Variants in NDUFB7 observed in about 807,000 individuals in gnomAD.
NDUFB7 encodes the protein NADH:ubiquinone oxidoreductase subunit B7.
In NDUFB7, 18 loss-of-function variants were observed where a neutral mutation model predicts 14.7. The observed-to-expected ratio is 1.22, with a 90% CI of 0.85 to 1.81. NDUFB7 has a LOEUF of 1.81. Among genes scored for constraint, NDUFB7 ranks in the 40% most tolerant of loss-of-function variants. The pLI is 0.00. For synonymous variants in NDUFB7, 86 were observed against 76.1 expected (o/e 1.13, Z -0.68); for missense variants, 219 against 195.0 (o/e 1.12, Z -0.73).
rs952991674 is a variant in NDUFB7, at chr19:14,567,847, C to G, written c.113-914G>C. Among the ~76,000 whole-genome samples, 1 of 152,184 alleles carries G rather than the reference C, an allele frequency of 6.6e-6. No homozygotes were observed. The highest frequency in any genetic ancestry group is 2.4e-5 in the African/African-American group (1 of 41,454). On this transcript the variant is annotated intron_variant, in intron 1 of 2. Coordinates refer to ENST00000215565, the MANE Select transcript of NDUFB7 (RefSeq NM_004146.6). This position sits in a 1 kb window ranked among gnomAD's most constrained non-coding sequence, Gnocchi z 5.1. ...CTCTCATCCCACTGAGGCCCAGGTCCTCCTCTCCTGCCCCTTGTCCCATTC... is the reference window on the plus strand; with the variant it reads ...CTCTCATCCCACTGAGGCCCAGGTCGTCCTCTCCTGCCCCTTGTCCCATTC...
chr19:14,569,700 GA>G (rs1169614537), intron 1 of NDUFB7, among the ~76,000 whole-genome samples: 1 of 152,172 alleles, frequency 6.6e-6, no homozygotes, highest in Non-Finnish European at 1.5e-5. Flanking sequence ...ACACTGGAGT[GA>G]TTATACCATC....
chr19:14,569,863 C>G (rs1211327535), intron 1 of NDUFB7, among the ~76,000 whole-genome samples: 2 of 152,144 alleles, frequency 1.3e-5, no homozygotes, highest in Admixed American at 1.3e-4. Flanking sequence ...TTTGGTCAAC[C>G]CCTACTCATG....
chr19:14,566,343 C>T (rs1371888652), intron 2 of NDUFB7, 78 bp from the exon 3 acceptor site: 44 of 1,597,670 alleles, frequency 2.8e-5, no homozygotes, highest in African/African-American at 8.0e-5. Flanking sequence ...GCGGAGGGGC[C>T]GTCCCAGAGC....
chr19:14,567,238 C>T lies in NDUFB7; in HGVS notation c.113-305G>A, dbSNP rs2074096771. ...TTGCCTCCCCTCCCACAGGGATGCC[C>T]GTCCCCAGCTCTCTACAGCCCCGCT... On this transcript the variant is annotated intron_variant, in intron 1 of 2. Coordinates refer to ENST00000215565, the MANE Select transcript of NDUFB7 (RefSeq NM_004146.6). The surrounding 1 kb of genome is among the most constrained non-coding windows in gnomAD (Gnocchi z 5.1). Among the ~76,000 whole-genome samples the T allele has an allele frequency of 6.6e-6, 1 of 152,092 alleles. No individual in the cohort carries two copies. Among genetic ancestry groups the T allele is most frequent in the African/African-American group, 2.4e-5 (1 of 41,402 alleles).
intron 1 of NDUFB7, among the ~76,000 whole-genome samples, chr19:14,571,180 G>A (rs2074122950): frequency 1.3e-5 from 2 of 152,124 alleles, no homozygotes; most frequent in South Asian, 2.1e-4. Context: ...GCACTTTGCA[G>A]GACAGTATTT....
intron 1 of NDUFB7, among the ~76,000 whole-genome samples, chr19:14,571,649 C>G (rs1049535384): frequency 5.3e-5 from 8 of 152,066 alleles, no homozygotes; most frequent in Non-Finnish European, 1.0e-4. Flanking sequence ...CATTCCTGCC[C>G]GAACCCCCAC....
chr19:14,566,893 C>T lies in NDUFB7; in HGVS notation c.153G>A (p.Leu51=), dbSNP rs764518461. The T allele has an allele frequency of 2.6e-5, 41 of 1,583,412 alleles. No individual in the cohort carries two copies. Among genetic ancestry groups the T allele is most frequent in the Non-Finnish European group, 3.4e-5 (40 of 1,168,252 alleles). Residue 51 remains leucine, a synonymous_variant, in exon 2 of 3, where the codon CTG becomes CTA. Transcript: ENST00000215565. The part of the protein sequence containing the change: ...ATQQEMMDAQ[L]RLQLRDYCAH... ...CGCAGTAGTCCCGCAGCTGGAGCCT[C>T]AGCTGCGCGTCCATCATCTCCTGCT...
intron 1 of NDUFB7, among the ~76,000 whole-genome samples, chr19:14,568,408 A>T (rs2074105994): frequency 6.6e-6 from 1 of 151,822 alleles, no homozygotes; most frequent in African/African-American, 2.4e-5. Context: ...CCTCCACCCC[A>T]CACCTCGCTT....
rs752654710 is a variant in NDUFB7 at position 14,571,745 on chromosome 19, G to A, written c.112+144C>T. Reference sequence around the variant, plus strand: ...TCCACACTGAGGTGGGGTCATGCACGTCCTGTGGACTCCTAGTCTAGACCC... The same window carrying A: ...TCCACACTGAGGTGGGGTCATGCACATCCTGTGGACTCCTAGTCTAGACCC... On this transcript the variant is annotated intron_variant, in intron 1 of 2. Coordinates refer to ENST00000215565, the MANE Select transcript of NDUFB7 (RefSeq NM_004146.6). 9.4e-6 allele frequency: 7 copies of A among 740,860 alleles called. No individual in the cohort carries two copies. The South Asian group carries it at 1.2e-4, about 13-fold the overall frequency. The allele number at this position is 740,860 out of a possible 1,614,324, so 45.9% of individuals were successfully genotyped here.
Position 14,566,953 on chromosome 19 carries a change from C to A in NDUFB7, c.113-20G>T, listed in dbSNP as rs953580919. 18 of 1,560,250 alleles carry A rather than the reference C, an allele frequency of 1.2e-5. No homozygotes were observed. Among genetic ancestry groups the A allele is most frequent in the Non-Finnish European group, 1.4e-5 (16 of 1,156,436 alleles). On this transcript the variant is annotated intron_variant, in intron 1 of 2. Transcript: ENST00000215565. ...CCATCTCTGCAGGGAGTGGGCGGGG[C>A]TCAACCAGGCTGGAGGCTCCCCACC...
chr19:14,568,784 T>C (rs368512208), intron 1 of NDUFB7, among the ~76,000 whole-genome samples: 2 of 152,112 alleles, frequency 1.3e-5, no homozygotes, highest in Admixed American at 1.3e-4. Context: ...CTCGGGAGGA[T>C]CGCTTGAACC....
At chr19:14,569,899 GTT>G (rs1450709849) in intron 1 of NDUFB7, among the ~76,000 whole-genome samples, 1 of 152,044 alleles carries the variant, frequency 6.6e-6, no homozygotes, top group African/African-American at 2.4e-5. Flanking sequence ...GTTTTGTTTT[GTT>G]TTGTTTTTTC....
Position 14,566,095 on chromosome 19 carries a change from TTTTA to T in NDUFB7, c.*34_*37del, listed in dbSNP as rs767085887. The T allele has an allele frequency of 2.0e-5, 32 of 1,587,916 alleles. No homozygotes were observed. Among genetic ancestry groups the T allele is most frequent in the Middle Eastern group, 3.4e-4 (2 of 5,962 alleles). On this transcript the variant is annotated 3_prime_UTR_variant, in exon 3 of 3. Coordinates refer to ENST00000215565, the MANE Select transcript of NDUFB7 (RefSeq NM_004146.6). Reference sequence around the variant, plus strand: ...GACTCTGGTTGAGGGGCCTGAAGGCTTTTATTTGACTGGTCCATAGGGTGGGGGG... The same window carrying T: ...GACTCTGGTTGAGGGGCCTGAAGGCTTTTGACTGGTCCATAGGGTGGGGGG...
Position 14,566,749 on chromosome 19 carries a change from G to A in NDUFB7, c.281+16C>T. 6.5e-7 allele frequency: 1 copy of A among 1,538,466 alleles called. No individual in the cohort carries two copies. Among genetic ancestry groups the A allele is most frequent in the Non-Finnish European group, 8.7e-7 (1 of 1,144,900 alleles). ...TTGCGGGCCGGGGTGTTGGGGGCTG[G>A]TGTGGGGGTGCTCACTCGCGGTGCT... is the stretch of plus-strand genomic sequence containing the variant. On this transcript the variant is annotated intron_variant, in intron 2 of 2. Coordinates refer to ENST00000215565, the MANE Select transcript of NDUFB7 (RefSeq NM_004146.6).
At position 14,567,409 on chromosome 19, in the gene NDUFB7, T is replaced by TCC. The variant is rs2074098347; in HGVS notation, c.113-477_113-476insGG. Among the ~76,000 whole-genome samples, 2 of 150,360 alleles carry TCC rather than the reference T, an allele frequency of 1.3e-5. No homozygotes were observed. Among genetic ancestry groups the TCC allele is most frequent in the Non-Finnish European group, 3.0e-5 (2 of 67,436 alleles). ...CTCTGCACTGGCCGGCGGCGTGGCCTCTCTCTCAGCCTCAGAACTGACCAT... is the reference window on the plus strand; with the variant it reads ...CTCTGCACTGGCCGGCGGCGTGGCCTCCCTCTCTCAGCCTCAGAACTGACCAT... On this transcript the variant is annotated intron_variant, in intron 1 of 2. Transcript: ENST00000215565. The surrounding 1 kb of genome is among the most constrained non-coding windows in gnomAD (Gnocchi z 5.1).
Position 14,572,013 on chromosome 19 carries a change from T to G in NDUFB7, c.-13A>C, listed in dbSNP as rs766937528. ...GGTGGGCCCCCATGGCTGCAGTCGC[T>G]GCAGATCCCTGCAGCAGCCGAGGGT... is the stretch of plus-strand genomic sequence containing the variant. On this transcript the variant is annotated 5_prime_UTR_variant, in exon 1 of 3. Transcript: ENST00000215565. The G allele has an allele frequency of 8.3e-6, 13 of 1,568,344 alleles. No individual in the cohort carries two copies. Among genetic ancestry groups the G allele is most frequent in the Non-Finnish European group, 1.1e-5 (13 of 1,155,286 alleles).
intron 1 of NDUFB7, among the ~76,000 whole-genome samples, chr19:14,570,111 G>A (rs942806400): frequency 4.6e-5 from 7 of 152,116 alleles, no homozygotes; most frequent in African/African-American, 1.7e-4. Context: ...TGGCCAGGCT[G>A]GTCTCAAACT....
In NDUFB7 at chr19:14,566,745, G is replaced by A. The variant is rs1009095339; in HGVS notation, c.281+20C>T. On this transcript the variant is annotated intron_variant, in intron 2 of 2. Transcript: ENST00000215565. ...GGTGTTGCGGGCCGGGGTGTTGGGG[G>A]CTGGTGTGGGGGTGCTCACTCGCGG... 7.8e-6 allele frequency: 12 copies of A among 1,533,986 alleles called. No homozygotes were observed. The East Asian group carries it at 2.7e-4, about 35-fold the overall frequency.
Position 14,566,939 on chromosome 19 carries a change from G to GCCGTAGTCT in NDUFB7, c.113-7_113-6insAGACTACGG. The GCCGTAGTCT allele has an allele frequency of 1.3e-6, 2 of 1,574,396 alleles. No homozygotes were observed. The highest frequency in any genetic ancestry group is 1.8e-5 in the Admixed American group (1 of 56,380). On this transcript the variant is annotated splice_polypyrimidine_tract_variant and splice_region_variant and intron_variant, in intron 1 of 2. Coordinates refer to ENST00000215565, the MANE Select transcript of NDUFB7 (RefSeq NM_004146.6). The stretch of plus-strand genomic sequence containing the variant: ...CTGCTGTGTGGCCACCATCTCTGCA[G>GCCGTAGTCT]GGAGTGGGCGGGGCTCAACCAGGCT...
Sources: gnomAD v4.1 joint callset for allele counts (sites outside exome capture counted in the v4.1 genomes callset) on GRCh38, gnomAD v4.1.1 for gene constraint, Gnocchi (gnomAD v3.1) non-coding constraint, MANE v1.5 for transcripts, NCBI Gene and HGNC (gene_info 2026-07-23, HGNC 2026-07-21) for gene names.